PDE4D: variants seen among roughly 807,000 people sequenced by gnomAD.
The protein encoded by PDE4D is 3',5'-cyclic-AMP phosphodiesterase 4D.
Under a neutral mutation model 87.4 loss-of-function variants are expected in PDE4D, and 24 were observed. That is an observed-to-expected ratio of 0.27 (90% confidence interval 0.20 to 0.39). The LOEUF is 0.39. PDE4D is among the 10% of genes least tolerant of loss of function. PDE4D has a pLI of 1.00. For missense variants in PDE4D, 714 were observed against 1,041.0 expected, an observed-to-expected ratio of 0.69 and a Z score of 4.32; for synonymous variants, 384 against 383.2, an observed-to-expected ratio of 1.00 and a Z score of -0.02.
rs115075274 is a variant in PDE4D, at chr5:59,440,988, T to C, written c.456-225020A>G. ...GATTTAAATATCGAAAATTTAAATA[T>C]TGAAAAGTTTGAAGATTTAAATATT... On this transcript the variant is annotated intron_variant, in intron 1 of 14. Coordinates refer to ENST00000340635, the MANE Select transcript of PDE4D (RefSeq NM_001104631.2). Among the ~76,000 whole-genome samples the C allele has an allele frequency of 6.1e-3, 927 of 152,350 alleles. 10 individuals are homozygous for C. The highest frequency in any genetic ancestry group is 0.02 in the African/African-American group (846 of 41,584).
intron 5 of PDE4D, among the ~76,000 whole-genome samples, chr5:59,044,901 T>C (rs943719508): frequency 1.3e-5 from 2 of 152,252 alleles, no homozygotes; most frequent in Non-Finnish European, 2.9e-5. Flanking sequence ...AGTAGAATTT[T>C]TATATGAAAT....
chr5:60,194,546 T>C (rs776648117), intron 1 of PDE4D, among the ~76,000 whole-genome samples: 3 of 151,640 alleles, frequency 2.0e-5, no homozygotes, highest in Non-Finnish European at 4.4e-5. Context: ...CACCAATGAA[T>C]CAGAACTTTG....
chr5:60,438,168 G>A lies in PDE4D; in HGVS notation c.-90+49774C>T, dbSNP rs911433503. On this transcript the variant is annotated intron_variant, in intron 1 of 16. Transcript: ENST00000502484. Reference sequence around the variant, plus strand: ...GAAATCATTTTAATGCAATTATTACGGGAAAGCCATTAACCAAATGCTAAC... The same window carrying A: ...GAAATCATTTTAATGCAATTATTACAGGAAAGCCATTAACCAAATGCTAAC... Among the ~76,000 whole-genome samples, 7 of 152,202 alleles carry A rather than the reference G, an allele frequency of 4.6e-5. No individual in the cohort carries two copies. In the East Asian group the frequency reaches 5.8e-4, roughly 13 times the overall value.
At chr5:59,002,358 T>C (rs1310192060) in intron 6 of PDE4D, among the ~76,000 whole-genome samples, 3 of 152,170 alleles carry the variant, frequency 2.0e-5, no homozygotes, top group African/African-American at 7.2e-5. Context: ...TGTCCTACAC[T>C]GAATCTGAGT....
intron 1 of PDE4D, among the ~76,000 whole-genome samples, chr5:59,481,251 T>TA (rs1361910960): frequency 6.6e-6 from 1 of 152,060 alleles, no homozygotes; most frequent in Non-Finnish European, 1.5e-5. Flanking sequence ...CCTAACTCTT[T>TA]ATTGGATTTT....
At chr5:59,898,331 A>G (rs1274673404), upstream of PDE4D, among the ~76,000 whole-genome samples, 1 of 152,234 alleles carries the variant, frequency 6.6e-6, no homozygotes, top group Admixed American at 6.5e-5. Flanking sequence ...ATTGACAAAC[A>G]TGCACAAAAA....
At chr5:59,099,050 A>G (rs1770276430) in intron 5 of PDE4D, among the ~76,000 whole-genome samples, 1 of 152,210 alleles carries the variant, frequency 6.6e-6, no homozygotes, top group African/African-American at 2.4e-5. Flanking sequence ...GATGTCACCC[A>G]ATATAATTAA....
At chr5:59,462,537 A>G (rs1800927990) in intron 1 of PDE4D, among the ~76,000 whole-genome samples, 1 of 152,154 alleles carries the variant, frequency 6.6e-6, no homozygotes, top group African/African-American at 2.4e-5. Context: ...TCTTATGACC[A>G]TCTTAGTTAA....
intron 1 of PDE4D, among the ~76,000 whole-genome samples, chr5:59,725,147 C>A (rs1756412641): frequency 6.6e-6 from 1 of 152,016 alleles, no homozygotes; most frequent in South Asian, 2.1e-4. Flanking sequence ...TTTACCTTTC[C>A]TTCTGGTTTG....
chr5:59,349,522 T>C (rs906398033), intron 1 of PDE4D, among the ~76,000 whole-genome samples: 3 of 152,132 alleles, frequency 2.0e-5, no homozygotes, highest in African/African-American at 7.2e-5. Context: ...GCTCATCCAC[T>C]TCATGACTTA....
intron 2 of PDE4D, among the ~76,000 whole-genome samples, chr5:60,182,249 GA>G (rs1048222983): frequency 1.3e-5 from 2 of 152,152 alleles, no homozygotes; most frequent in African/African-American, 4.8e-5. Flanking sequence ...TCATTGGTAA[GA>G]ATGTCCCTAA....
chr5:59,066,035 T>C (rs1366830813), intron 5 of PDE4D, among the ~76,000 whole-genome samples: 1 of 152,162 alleles, frequency 6.6e-6, no homozygotes, highest in African/African-American at 2.4e-5. Context: ...TGCTTGCTTT[T>C]CGGATGCTGT....
At chr5:59,364,227 T>G (rs1782686165) in intron 1 of PDE4D, among the ~76,000 whole-genome samples, 1 of 152,220 alleles carries the variant, frequency 6.6e-6, no homozygotes, top group Admixed American at 6.5e-5. Context: ...TTGGACTGGT[T>G]CTGGTTTTTG....
chr5:59,076,957 A>T (rs1243702020), intron 5 of PDE4D, among the ~76,000 whole-genome samples: 1 of 152,248 alleles, frequency 6.6e-6, no homozygotes, highest in Non-Finnish European at 1.5e-5. Flanking sequence ...ATATATTGAT[A>T]TCTAAAAATA....
intron 1 of PDE4D, among the ~76,000 whole-genome samples, chr5:59,619,216 T>TGGGGGAGGAGAAAA (rs1830067927): frequency 6.6e-6 from 1 of 151,186 alleles, no homozygotes; most frequent in Non-Finnish European, 1.5e-5. Context: ...GACTGAAATA[T>TGGGGGAGGAGAAAA]GGGGGAGGAG....
intron 2 of PDE4D, among the ~76,000 whole-genome samples, chr5:60,131,849 T>C (rs1399264476): frequency 2.0e-5 from 3 of 152,228 alleles, no homozygotes; most frequent in African/African-American, 7.2e-5. Flanking sequence ...CATTTCAATG[T>C]CCATCAGCAT....
intron 1 of PDE4D, among the ~76,000 whole-genome samples, chr5:60,256,138 T>A (rs2149692993): frequency 6.6e-6 from 1 of 152,016 alleles, no homozygotes; most frequent in South Asian, 2.1e-4. Context: ...GTTATCACCA[T>A]CAGATTTTGC....
In PDE4D at chr5:59,286,419, C is replaced by G. The variant is rs138592414; in HGVS notation, c.456-70451G>C. On this transcript the variant is annotated intron_variant, in intron 1 of 14. Transcript: ENST00000340635. ...TTAGATTACCCAAATGAAGCATAAC[C>G]TGGGGAAAGCATAACCTTGAGAACT... 2.0e-3 allele frequency among the ~76,000 whole-genome samples: 306 copies of G among 152,236 alleles called. 3 individuals are homozygous for G. The highest frequency in any genetic ancestry group is 7.1e-3 in the African/African-American group (296 of 41,548).
chr5:59,728,056 A>G (rs1580715611), intron 1 of PDE4D, among the ~76,000 whole-genome samples: 1 of 152,198 alleles, frequency 6.6e-6, no homozygotes, highest in Middle Eastern at 3.4e-3. Flanking sequence ...TTGTGTTATC[A>G]TACAGTAGCA....
Sources: allele counts gnomAD v4.1 joint callset (sites outside exome capture counted in the v4.1 genomes callset), GRCh38; gene constraint gnomAD v4.1.1; transcripts MANE v1.5; gene names NCBI Gene and HGNC (gene_info 2026-07-23, HGNC 2026-07-21).